The following SCFD2 variants were observed in gnomAD, a reference collection of about 807,000 sequenced individuals.
SCFD2 encodes sec1 family domain-containing protein 2.
Under a neutral mutation model 58.9 loss-of-function variants are expected in SCFD2, and 54 were observed. The ratio of observed to expected loss-of-function variants is 0.92; its 90% CI spans 0.74 to 1.15. SCFD2 has a LOEUF of 1.15. SCFD2 is among the 50% of genes most tolerant of loss of function. SCFD2 has a pLI of 0.00. For synonymous variants in SCFD2, 321 were observed against 335.9 expected (o/e 0.96, Z 0.49); for missense variants, 805 against 836.6 (o/e 0.96, Z 0.47).
rs868245211 is a variant in SCFD2 at position 53,303,846 on chromosome 4, G to A, written c.1135+9790C>T. On this transcript the variant is annotated intron_variant, in intron 3 of 8. Coordinates refer to ENST00000401642, the MANE Select transcript of SCFD2 (RefSeq NM_152540.4). ...AAACCATCATTCTCAGCAAACTATC[G>A]CAAGGACAAAAAACCAAACACCGCA... Among the ~76,000 whole-genome samples the A allele has an allele frequency of 8.7e-3, 1,303 of 149,950 alleles. 15 individuals are homozygous for A. Among genetic ancestry groups the A allele is most frequent in the African/African-American group, 0.03 (1,235 of 40,782 alleles).
intron 5 of SCFD2, among the ~76,000 whole-genome samples, chr4:53,010,733 T>G (rs765786474): frequency 2.6e-5 from 4 of 152,194 alleles, no homozygotes; most frequent in African/African-American, 7.2e-5. Flanking sequence ...CTCTCTCAAG[T>G]GAAAGTTTTC....
chr4:53,061,594 T>C (rs1200649440), intron 5 of SCFD2, among the ~76,000 whole-genome samples: 21 of 152,090 alleles, frequency 1.4e-4, no homozygotes, highest in Non-Finnish European at 3.1e-4. Flanking sequence ...TTAATGTAGA[T>C]TGAGGTCCAT....
intron 5 of SCFD2, among the ~76,000 whole-genome samples, chr4:52,958,437 C>G (rs975621911): frequency 6.6e-6 from 1 of 152,202 alleles, no homozygotes; most frequent in Admixed American, 6.5e-5. Context: ...GAGTGCCGGA[C>G]AAGATGTTTT....
intron 5 of SCFD2, among the ~76,000 whole-genome samples, chr4:53,016,356 A>G (rs1190363010): frequency 2.0e-5 from 3 of 152,184 alleles, no homozygotes; most frequent in African/African-American, 7.2e-5. Flanking sequence ...TGGAAATAAA[A>G]CTGATGTCAC....
intron 6 of SCFD2, among the ~76,000 whole-genome samples, chr4:52,910,997 G>A (rs301136): frequency 0.13 from 20,172 of 151,876 alleles, 1,832 homozygotes; most frequent in African/African-American, 0.25. Flanking sequence ...ACTCAGTCTC[G>A]GGAATGTCTT....
At chr4:53,017,035 G>C (rs1722229559) in intron 5 of SCFD2, among the ~76,000 whole-genome samples, 1 of 152,210 alleles carries the variant, frequency 6.6e-6, no homozygotes, top group African/African-American at 2.4e-5. Context: ...TTGAACCCAG[G>C]AGGCAGAGGT....
At chr4:53,334,438 C>A (rs1349262334) in intron 2 of SCFD2, among the ~76,000 whole-genome samples, 1 of 151,630 alleles carries the variant, frequency 6.6e-6, no homozygotes, top group East Asian at 1.9e-4. Context: ...ATGATGAGTT[C>A]ATGTCCTTTG....
intron 5 of SCFD2, among the ~76,000 whole-genome samples, chr4:52,942,607 T>TG (rs1720320724): frequency 6.6e-6 from 1 of 152,102 alleles, no homozygotes; most frequent in South Asian, 2.1e-4. Flanking sequence ...ATAGGGTTGT[T>TG]GGGGGAATAA....
chr4:52,916,922 AG>A (rs1296556495), intron 6 of SCFD2, among the ~76,000 whole-genome samples: 16 of 152,160 alleles, frequency 1.1e-4, no homozygotes, highest in Non-Finnish European at 2.4e-4. Flanking sequence ...GTTTTTGAGA[AG>A]GGGTATCACT....
At chr4:52,878,036 C>T (rs1560467597) in intron 8 of SCFD2, among the ~76,000 whole-genome samples, 1 of 152,196 alleles carries the variant, frequency 6.6e-6, no homozygotes, top group Non-Finnish European at 1.5e-5. Flanking sequence ...CCAAAGACCC[C>T]TCCTCCATTG....
At chr4:52,938,728 T>G (rs993838193) in intron 5 of SCFD2, among the ~76,000 whole-genome samples, 1 of 152,218 alleles carries the variant, frequency 6.6e-6, no homozygotes, top group Non-Finnish European at 1.5e-5. Flanking sequence ...TTTATTGATT[T>G]TACTCTTTTG....
At chr4:53,237,810 G>A (rs1355117328) in intron 4 of SCFD2, among the ~76,000 whole-genome samples, 3 of 28,062 alleles carry the variant, frequency 1.1e-4, no homozygotes, top group African/African-American at 3.3e-4. Context: ...GCGGCTGGCC[G>A]GGCAGAGGGG....
chr4:53,123,930 C>G (rs1725553967), intron 5 of SCFD2, among the ~76,000 whole-genome samples: 1 of 152,180 alleles, frequency 6.6e-6, no homozygotes, highest in Admixed American at 6.5e-5. Flanking sequence ...GCTTGGAAAC[C>G]ACTCCATCTA....
intron 4 of SCFD2, among the ~76,000 whole-genome samples, chr4:53,155,880 T>C (rs1164102286): frequency 1.3e-5 from 2 of 152,248 alleles, no homozygotes; most frequent in African/African-American, 2.4e-5. Context: ...AAAATTATTT[T>C]TGTAATAACA....
chr4:53,173,318 T>C (rs1727233611), intron 4 of SCFD2, among the ~76,000 whole-genome samples: 1 of 152,158 alleles, frequency 6.6e-6, no homozygotes, highest in Non-Finnish European at 1.5e-5. Flanking sequence ...AGAAGTGTAC[T>C]GAATATGCAT....
intron 4 of SCFD2, among the ~76,000 whole-genome samples, chr4:53,268,417 C>T (rs1245666197): frequency 6.6e-6 from 1 of 152,126 alleles, no homozygotes; most frequent in African/African-American, 2.4e-5. Context: ...AATGAAGCAG[C>T]AGCCCTGCAT....
At chr4:53,014,378 C>T (rs1187142097) in intron 5 of SCFD2, among the ~76,000 whole-genome samples, 3 of 152,286 alleles carry the variant, frequency 2.0e-5, no homozygotes, top group South Asian at 2.1e-4. Context: ...ACTGGCCACA[C>T]CTAAAATCCA....
chr4:53,213,464 C>T (rs1234206052), intron 4 of SCFD2, among the ~76,000 whole-genome samples: 1 of 152,026 alleles, frequency 6.6e-6, no homozygotes, highest in African/African-American at 2.4e-5. Flanking sequence ...ACTATGATCT[C>T]GAAAGTCTAC....
At chr4:53,192,343 C>T (rs1259646726) in intron 4 of SCFD2, among the ~76,000 whole-genome samples, 1 of 152,122 alleles carries the variant, frequency 6.6e-6, no homozygotes, top group Admixed American at 6.6e-5. Flanking sequence ...ACCCTTAACT[C>T]CCTGCATTCT....
Sources: gnomAD v4.1 joint callset for allele counts (sites outside exome capture counted in the v4.1 genomes callset) on GRCh38, gnomAD v4.1.1 for gene constraint, MANE v1.5 for transcripts, NCBI Gene and HGNC (gene_info 2026-07-23, HGNC 2026-07-21) for gene names.